KCTD16: variants seen among roughly 807,000 people sequenced by gnomAD.
KCTD16 encodes potassium channel tetramerization domain containing 16, also known as BTB/POZ domain-containing protein KCTD16.
KCTD16 carries 13 observed loss-of-function variants against 33.2 expected under a neutral mutation model. The observed-to-expected ratio is 0.39, with a 90% CI of 0.25 to 0.62. The LOEUF (loss-of-function observed/expected upper bound fraction) is 0.62. KCTD16 is among the 20% of genes least tolerant of loss of function. The pLI is 0.50. For missense variants in KCTD16, 441 were observed against 525.1 expected (o/e 0.84, Z 1.57); for synonymous variants, 197 against 195.3 (o/e 1.01, Z -0.07).
At chr5:144,239,943 T>C (rs945449335) in intron 3 of KCTD16, among the ~76,000 whole-genome samples, 4 of 152,270 alleles carry the variant, frequency 2.6e-5, no homozygotes, top group Admixed American at 2.6e-4. Context: ...TGTCAGCTTC[T>C]GGGATAATAG....
At chr5:144,314,166 G>C (rs185548272) in intron 3 of KCTD16, among the ~76,000 whole-genome samples, 1 of 152,206 alleles carries the variant, frequency 6.6e-6, no homozygotes, top group East Asian at 1.9e-4. Flanking sequence ...TTGACAATTA[G>C]CAGGTTTATT....
At chr5:144,460,053 C>T (rs916525532) in intron 3 of KCTD16, among the ~76,000 whole-genome samples, 4 of 151,672 alleles carry the variant, frequency 2.6e-5, no homozygotes, top group East Asian at 3.9e-4. Flanking sequence ...AGGATGGTCT[C>T]GATATCCTGA....
At chr5:144,205,023 T>G (rs1753129355) in intron 2 of KCTD16, among the ~76,000 whole-genome samples, 1 of 151,918 alleles carries the variant, frequency 6.6e-6, no homozygotes, top group Non-Finnish European at 1.5e-5. Context: ...ATCTGTAGAT[T>G]TTTCAAATAA....
chr5:144,240,357 T>C (rs1057142625), intron 3 of KCTD16, among the ~76,000 whole-genome samples: 3 of 152,134 alleles, frequency 2.0e-5, no homozygotes, highest in African/African-American at 7.2e-5. Flanking sequence ...CTTCATTCCT[T>C]TCTTTCTTCA....
intron 3 of KCTD16, among the ~76,000 whole-genome samples, chr5:144,472,322 G>C (rs1405143599): frequency 6.6e-6 from 1 of 152,212 alleles, no homozygotes; most frequent in Non-Finnish European, 1.5e-5. Context: ...GACTGTGGCT[G>C]TTCAGAGGGT....
At chr5:144,359,816 G>A (rs1188270562) in intron 3 of KCTD16, among the ~76,000 whole-genome samples, 1 of 151,830 alleles carries the variant, frequency 6.6e-6, no homozygotes, top group South Asian at 2.1e-4. Context: ...CTTTATCTAG[G>A]GGTCTTATTC....
intron 3 of KCTD16, among the ~76,000 whole-genome samples, chr5:144,430,417 C>G (rs1022489657): frequency 6.6e-6 from 1 of 152,034 alleles, no homozygotes; most frequent in African/African-American, 2.4e-5. Context: ...TTGCCTGTGG[C>G]AGATGCATTT....
chr5:144,299,096 GTATATATATATATATATA>G (rs1175664862), intron 3 of KCTD16, among the ~76,000 whole-genome samples: 5 of 10,784 alleles, frequency 4.6e-4, no homozygotes, highest in Admixed American at 2.0e-3. Flanking sequence ...ATATCACTAT[GTATATATATATATATATA>G]TATATATATA....
chr5:144,474,312 GTGGAAGTACAAGAAAA>G lies in KCTD16; in HGVS notation c.*200_*215del, dbSNP rs1754548037. The stretch of plus-strand genomic sequence containing the variant: ...CCACAGGGTAGATTTCTTTCTAGAT[GTGGAAGTACAAGAAAA>G]TCTTTTTTAGTTATTTGTTTGTTTA... On this transcript the variant is annotated 3_prime_UTR_variant, in exon 4 of 4. Coordinates refer to ENST00000512467, the MANE Select transcript of KCTD16 (RefSeq NM_020768.4). The G allele has an allele frequency of 3.7e-6, 2 of 540,042 alleles. No homozygotes were observed. The highest frequency in any genetic ancestry group is 6.5e-6 in the Non-Finnish European group (2 of 308,404). 33.5% of individuals were successfully genotyped at this position (540,042 alleles called of 1,614,324 possible). A position where few individuals can be genotyped will look rare whatever the true frequency, so the allele number is the denominator to read the frequency against.
Position 144,484,047 on chromosome 5 carries a change from T to C in KCTD16, c.*9933T>C, listed in dbSNP as rs557291465. Reference sequence around the variant, plus strand: ...ATCCTAACTTCATGTTCCTCTGTCATTTTATTTTATTTATTTATTTTTAAT... The same window carrying C: ...ATCCTAACTTCATGTTCCTCTGTCACTTTATTTTATTTATTTATTTTTAAT... On this transcript the variant is annotated 3_prime_UTR_variant, in exon 4 of 4. Coordinates refer to ENST00000512467, the MANE Select transcript of KCTD16 (RefSeq NM_020768.4). The C allele has an allele frequency of 6.6e-6, 1 of 151,486 alleles. No individual in the cohort carries two copies. The highest frequency in any genetic ancestry group is 2.1e-4 in the South Asian group (1 of 4,832). 9.4% of individuals were successfully genotyped at this position (151,486 alleles called of 1,614,324 possible). A position where few individuals can be genotyped will look rare whatever the true frequency, so the allele number is the denominator to read the frequency against.
intron 3 of KCTD16, among the ~76,000 whole-genome samples, chr5:144,435,121 T>G (rs1465290460): frequency 3.3e-5 from 5 of 152,166 alleles, no homozygotes; most frequent in African/African-American, 1.2e-4. Flanking sequence ...CATAAAAAAT[T>G]ACAGTTCATT....
chr5:144,206,640 G>T lies in KCTD16; in HGVS notation c.-75G>T. 2 of 1,241,364 alleles carry T rather than the reference G, an allele frequency of 1.6e-6. No homozygotes were observed. The highest frequency in any genetic ancestry group is 2.0e-4 in the Middle Eastern group (1 of 5,034). The allele number at this position is 1,241,364 out of a possible 1,614,324, so 76.9% of individuals were successfully genotyped here. On this transcript the variant is annotated 5_prime_UTR_variant, in exon 3 of 4. Transcript: ENST00000512467. ...CATCCTTTTCCCTTTCTTACAAGTT[G>T]ATCCAAAGGATAAGGCTGTGACTCC... is the stretch of plus-strand genomic sequence containing the variant.
rs1754790518 is a variant in KCTD16, at chr5:144,485,664, T to C, written c.*11550T>C. The C allele has an allele frequency of 6.6e-6, 1 of 151,948 alleles. No homozygotes were observed. Among genetic ancestry groups the C allele is most frequent in the African/African-American group, 2.4e-5 (1 of 41,422 alleles). 9.4% of individuals were successfully genotyped at this position (151,948 alleles called of 1,614,324 possible). On this transcript the variant is annotated 3_prime_UTR_variant, in exon 4 of 4. Coordinates refer to ENST00000512467, the MANE Select transcript of KCTD16 (RefSeq NM_020768.4). ...CATATGCATTGTAATTTAGCACAAATCATAATAAATCATTTGGTAACATTT... is the reference window on the plus strand; with the variant it reads ...CATATGCATTGTAATTTAGCACAAACCATAATAAATCATTTGGTAACATTT...
At chr5:144,448,014 T>C (rs1314010211) in intron 3 of KCTD16, among the ~76,000 whole-genome samples, 1 of 151,714 alleles carries the variant, frequency 6.6e-6, no homozygotes, top group Non-Finnish European at 1.5e-5. Flanking sequence ...TAGAAGGGCC[T>C]TTACAATCTG....
intron 3 of KCTD16, among the ~76,000 whole-genome samples, chr5:144,357,362 G>C (rs998431215): frequency 5.3e-5 from 8 of 152,174 alleles, no homozygotes; most frequent in Non-Finnish European, 1.2e-4. Flanking sequence ...TAGCTCTAGA[G>C]CAATTCCTGC....
chr5:144,291,559 T>C (rs920741414), intron 3 of KCTD16, among the ~76,000 whole-genome samples: 6 of 152,202 alleles, frequency 3.9e-5, no homozygotes, highest in African/African-American at 1.2e-4. Context: ...CCTTTATATA[T>C]GGTAAGTAGT....
chr5:144,368,409 AG>A (rs1290674893), intron 3 of KCTD16, among the ~76,000 whole-genome samples: 1 of 152,154 alleles, frequency 6.6e-6, no homozygotes, highest in Non-Finnish European at 1.5e-5. Flanking sequence ...TGCTGGTTTC[AG>A]GATGGAGAGA....
chr5:144,177,120 G>C (rs1255845628), intron 2 of KCTD16, among the ~76,000 whole-genome samples: 5 of 152,224 alleles, frequency 3.3e-5, no homozygotes, highest in African/African-American at 1.2e-4. Context: ...CCAGTGTTGA[G>C]AAGGGTATTT....
chr5:144,457,909 T>G (rs764529615), intron 3 of KCTD16, among the ~76,000 whole-genome samples: 1 of 152,196 alleles, frequency 6.6e-6, no homozygotes, highest in Admixed American at 6.5e-5. Context: ...TGCATACAAC[T>G]GCCCATTGGT....
Sources: gnomAD v4.1 joint callset for allele counts (sites outside exome capture counted in the v4.1 genomes callset) on GRCh38, gnomAD v4.1.1 for gene constraint, MANE v1.5 for transcripts, NCBI Gene and HGNC (gene_info 2026-07-23, HGNC 2026-07-21) for gene names.